The following MYRIP variants were observed in gnomAD, a reference collection of about 807,000 sequenced individuals.
The protein encoded by MYRIP is myosin VIIA and Rab interacting protein, also known as rab effector MyRIP.
A neutral mutation model predicts 98.0 loss-of-function variants in MYRIP; 49 were observed. That is an observed-to-expected ratio of 0.50 (90% confidence interval 0.40 to 0.63). The LOEUF is 0.63. MYRIP is among the 30% of genes least tolerant of loss of function. The pLI, the probability that MYRIP is intolerant of heterozygous loss-of-function variation, is 0.00. For synonymous variants in MYRIP, 404 were observed against 409.5 expected, an observed-to-expected ratio of 0.99 and a Z score of 0.16; for missense variants, 1,004 against 1,058.2, an observed-to-expected ratio of 0.95 and a Z score of 0.71.
At position 40,040,870 on chromosome 3, in the gene MYRIP, T is replaced by C. The variant is rs1575488500; in HGVS notation, c.111-3180T>C. 8.9e-5 allele frequency among the ~76,000 whole-genome samples: 6 copies of C among 67,684 alleles called. No individual in the cohort carries two copies. In the South Asian group the frequency reaches 2.8e-3, roughly 31 times the overall value. The allele number at this position is 67,684 out of a possible 152,430, so 44.4% of individuals were successfully genotyped here. A position where few individuals can be genotyped will look rare whatever the true frequency, so the allele number is the denominator to read the frequency against. On this transcript the variant is annotated intron_variant, in intron 2 of 16. Coordinates refer to ENST00000302541, the MANE Select transcript of MYRIP (RefSeq NM_015460.4). ...GGGGGAGGGATAGCATTGGGAGATA[T>C]ACCTAATGCTAGATGACACATTAGT...
chr3:40,169,947 C>T lies in MYRIP; in HGVS notation c.730-3C>T, dbSNP rs1344416650. 1.2e-6 allele frequency: 2 copies of T among 1,614,180 alleles called. No individual in the cohort carries two copies. The highest frequency in any genetic ancestry group is 2.2e-5 in the East Asian group (1 of 44,888). ...TGCCCCTTTTTTGTCCTCCCCTCCC[C>T]AGATTATACGAAAACAGAAGAGCAA... On this transcript the variant is annotated splice_polypyrimidine_tract_variant and splice_region_variant and intron_variant, in intron 7 of 16. Transcript: ENST00000302541.
At chr3:40,121,799 T>A (rs1050399902) in intron 3 of MYRIP, among the ~76,000 whole-genome samples, 18 of 152,194 alleles carry the variant, frequency 1.2e-4, no homozygotes, top group Non-Finnish European at 7.3e-5. Flanking sequence ...AAAAAATTCA[T>A]AATGAACTAA....
At chr3:40,055,066 G>A (rs879879745) in intron 3 of MYRIP, among the ~76,000 whole-genome samples, 6 of 152,080 alleles carry the variant, frequency 3.9e-5, no homozygotes, top group Non-Finnish European at 8.8e-5. Context: ...CACTGACTCT[G>A]CTTATTTACA....
At chr3:39,842,759 C>CG (rs1575295485) in intron 1 of MYRIP, among the ~76,000 whole-genome samples, 1 of 152,126 alleles carries the variant, frequency 6.6e-6, no homozygotes, top group African/African-American at 2.4e-5. Context: ...GATTACCCCC[C>CG]CTGCTTCTGT....
chr3:39,957,049 C>A (rs1263831110), intron 2 of MYRIP, among the ~76,000 whole-genome samples: 7 of 151,698 alleles, frequency 4.6e-5, no homozygotes, highest in Non-Finnish European at 8.8e-5. Context: ...AGCCTACCAA[C>A]CAAAAAAAGT....
chr3:40,019,828 G>A (rs995520404), intron 2 of MYRIP, among the ~76,000 whole-genome samples: 1 of 150,150 alleles, frequency 6.7e-6, no homozygotes, highest in African/African-American at 2.4e-5. Flanking sequence ...TCAAATTAAT[G>A]AGAGATACTC....
chr3:40,066,616 A>C (rs571652876), intron 3 of MYRIP, among the ~76,000 whole-genome samples: 25 of 152,306 alleles, frequency 1.6e-4, no homozygotes, highest in African/African-American at 5.8e-4. Context: ...ACTGACTCAT[A>C]TATCCTGGTT....
intron 16 of MYRIP, among the ~76,000 whole-genome samples, chr3:40,254,336 T>G (rs1411269689): frequency 6.6e-6 from 1 of 151,994 alleles, no homozygotes; most frequent in South Asian, 2.1e-4. Context: ...CATGCCTTTG[T>G]CTGGCTCAGT....
At chr3:39,986,609 A>T (rs972460006) in intron 2 of MYRIP, among the ~76,000 whole-genome samples, 1 of 152,108 alleles carries the variant, frequency 6.6e-6, no homozygotes, top group Non-Finnish European at 1.5e-5. Context: ...TACCATGCCC[A>T]TTTCCCTTTG....
chr3:40,256,559 TA>T (rs1048426507), intron 16 of MYRIP, among the ~76,000 whole-genome samples: 1 of 151,854 alleles, frequency 6.6e-6, no homozygotes, highest in African/African-American at 2.4e-5. Flanking sequence ...GTAAGTCACA[TA>T]AAAAAACTGC....
chr3:39,856,189 A>G (rs1559498143), intron 1 of MYRIP, among the ~76,000 whole-genome samples: 1 of 152,164 alleles, frequency 6.6e-6, no homozygotes, highest in African/African-American at 2.4e-5. Context: ...GTTTCACAGA[A>G]TTTGCAGTGG....
At chr3:39,899,813 A>G (rs1943703454) in intron 1 of MYRIP, among the ~76,000 whole-genome samples, 2 of 152,160 alleles carry the variant, frequency 1.3e-5, no homozygotes, top group African/African-American at 2.4e-5. Context: ...ATTATTCCAT[A>G]TGCTTATTTG....
chr3:40,138,161 G>A (rs185623002), intron 3 of MYRIP, among the ~76,000 whole-genome samples: 2 of 152,294 alleles, frequency 1.3e-5, no homozygotes, highest in East Asian at 1.9e-4. Flanking sequence ...CCCGCATTGC[G>A]GCACATATCC....
rs1942551281 is a variant in MYRIP at position 39,864,077 on chromosome 3, A to G, written c.-30-36710A>G. 2.6e-5 allele frequency among the ~76,000 whole-genome samples: 4 copies of G among 152,216 alleles called. No individual in the cohort carries two copies. The South Asian group carries it at 8.3e-4, about 32-fold the overall frequency. ...ATGATGATCTCAATATATGCAGAAAATGCTTTCAATAAAATTCAACATCCC... is the reference window on the plus strand; with the variant it reads ...ATGATGATCTCAATATATGCAGAAAGTGCTTTCAATAAAATTCAACATCCC... On this transcript the variant is annotated intron_variant, in intron 1 of 16. Coordinates refer to ENST00000302541, the MANE Select transcript of MYRIP (RefSeq NM_015460.4).
Position 39,883,679 on chromosome 3 carries a change from CA to C in MYRIP, c.-30-17100del, listed in dbSNP as rs893611579. ...AAAGAAAATTTAGAGTTGAAAAATG[CA>C]AAAAAAACTTAAATATGTGTTTAAT... On this transcript the variant is annotated intron_variant, in intron 1 of 16. Coordinates refer to ENST00000302541, the MANE Select transcript of MYRIP (RefSeq NM_015460.4). Among the ~76,000 whole-genome samples the C allele has an allele frequency of 1.9e-4, 28 of 150,300 alleles. No individual in the cohort carries two copies. In the East Asian group the frequency reaches 4.9e-3, roughly 26 times the overall value.
intron 3 of MYRIP, among the ~76,000 whole-genome samples, chr3:40,120,083 T>G (rs1347098986): frequency 6.6e-6 from 1 of 152,216 alleles, no homozygotes; most frequent in African/African-American, 2.4e-5. Context: ...AGGCTTGTCA[T>G]AGGCATTCAG....
intron 3 of MYRIP, among the ~76,000 whole-genome samples, chr3:40,051,660 G>A (rs1305931994): frequency 6.6e-6 from 1 of 152,096 alleles, no homozygotes; most frequent in Non-Finnish European, 1.5e-5. Flanking sequence ...TGTTTTCAGT[G>A]AATGGGAGAA....
chr3:39,828,971 C>A (rs935448359), intron 1 of MYRIP, among the ~76,000 whole-genome samples: 1 of 152,050 alleles, frequency 6.6e-6, no homozygotes. Context: ...ATAAAGACTT[C>A]TTTTTCTCTG....
chr3:40,060,245 G>A (rs564305768), intron 3 of MYRIP, among the ~76,000 whole-genome samples: 45 of 152,332 alleles, frequency 3.0e-4, no homozygotes, highest in African/African-American at 1.1e-3. Context: ...CCTGAGAACT[G>A]TGAGTTCTTC....
Sources: gnomAD v4.1 joint callset for allele counts (sites outside exome capture counted in the v4.1 genomes callset) on GRCh38, gnomAD v4.1.1 for gene constraint, MANE v1.5 for transcripts, NCBI Gene and HGNC (gene_info 2026-07-23, HGNC 2026-07-21) for gene names.